NLRC5: variants seen among roughly 807,000 people sequenced by gnomAD.
NLRC5 encodes the protein protein NLRC5.
Under a neutral mutation model 206.9 loss-of-function variants are expected in NLRC5, and 114 were observed. The observed-to-expected ratio is 0.55, with a 90% confidence interval of 0.47 to 0.64. The LOEUF (loss-of-function observed/expected upper bound fraction) is 0.64, where lower values mean the gene tolerates loss of function less well. Among genes scored for constraint, NLRC5 ranks in the 30% least tolerant of loss-of-function variants. NLRC5 has a pLI of 0.00. For missense variants in NLRC5, 2,008 were observed against 2,305.5 expected (o/e 0.87, Z 2.64); for synonymous variants, 952 against 962.8 (o/e 0.99, Z 0.21).
intron 1 of NLRC5, among the ~76,000 whole-genome samples, chr16:57,007,414 T>TC (rs2059034163): frequency 6.6e-6 from 1 of 152,222 alleles, no homozygotes; most frequent in Non-Finnish European, 1.5e-5. Flanking sequence ...AGCTTGAACA[T>TC]CTTTTCATAT....
At chr16:57,059,405 C>T (rs1438754349) in intron 29 of NLRC5, 62 bp from the exon 30 acceptor site, 2 of 1,556,904 alleles carry the variant, frequency 1.3e-6, no homozygotes, top group Admixed American at 1.9e-5. Context: ...TGTGGGTGCC[C>T]TAGGTGCCTA....
intron 39 of NLRC5, among the ~76,000 whole-genome samples, chr16:57,076,207 T>A (rs27902): frequency 6.6e-6 from 1 of 152,020 alleles, no homozygotes; most frequent in Non-Finnish European, 1.5e-5. Context: ...GAACCACTGC[T>A]CCCAGCCCCA....
chr16:57,026,856 A>C lies in NLRC5; in HGVS notation c.1913A>C (p.Gln638Pro), dbSNP rs1361629121. 6.2e-7 allele frequency: 1 copy of C among 1,614,146 alleles called. No homozygotes were observed. Among genetic ancestry groups the C allele is most frequent in the Admixed American group, 1.7e-5 (1 of 60,018 alleles). Residue 638 changes from glutamine to proline, a missense_variant, in exon 6 of 49, where the codon CAA becomes CCA. Gln to Pro is a moderately conservative substitution (Grantham distance 76). Coordinates refer to ENST00000688547, the MANE Select transcript of NLRC5 (RefSeq NM_001384950.1). Reference sequence around the variant, plus strand: ...CTCACCGCACAAAGCCTCCCCTATCAACTGCCCTTCCACAATTTCCCACTG... The same window carrying C: ...CTCACCGCACAAAGCCTCCCCTATCCACTGCCCTTCCACAATTTCCCACTG... ...ASLTAQSLPY[Q>P]LPFHNFPLTC...
chr16:57,067,972 T>C (rs1440820966), intron 36 of NLRC5, 144 bp downstream of exon 36: 1 of 647,500 alleles, frequency 1.5e-6, no homozygotes, highest in Non-Finnish European at 2.7e-6. Context: ...CTGGAGATGA[T>C]TTTTAGGGGT....
intron 5 of NLRC5, among the ~76,000 whole-genome samples, chr16:57,024,531 C>T (rs1020175366): frequency 6.6e-6 from 1 of 152,186 alleles, no homozygotes; most frequent in African/African-American, 2.4e-5. Context: ...TCACCTGAGA[C>T]CTCTCAATGA....
At chr16:57,030,123 G>C in intron 10 of NLRC5, 39 bp downstream of exon 10, 1 of 1,525,996 alleles carries the variant, frequency 6.6e-7, no homozygotes, top group Non-Finnish European at 9.1e-7. Flanking sequence ...TATGGGCCTT[G>C]AGAAAAGAGG....
chr16:57,066,175 G>C (rs1157709075), intron 33 of NLRC5, among the ~76,000 whole-genome samples: 6 of 152,060 alleles, frequency 3.9e-5, no homozygotes, highest in African/African-American at 1.4e-4. Flanking sequence ...GGTGGCTCAC[G>C]CCTGTAACCC....
At chr16:57,001,050 G>T (rs2058180047) in intron 1 of NLRC5, among the ~76,000 whole-genome samples, 1 of 152,198 alleles carries the variant, frequency 6.6e-6, no homozygotes, top group African/African-American at 2.4e-5. Context: ...CCAGGCTCAG[G>T]TGTTATCCGA....
chr16:57,049,092 C>T (rs975871530), intron 23 of NLRC5, among the ~76,000 whole-genome samples: 2 of 151,390 alleles, frequency 1.3e-5, no homozygotes, highest in Non-Finnish European at 2.9e-5. Flanking sequence ...CTAACACTAG[C>T]GATAGCTGAT....
chr16:57,069,667 G>A (rs289710), intron 36 of NLRC5, 169 bp from the exon 37 acceptor site: 338,674 of 625,526 alleles, frequency 0.54, 92,847 homozygotes, highest in Admixed American at 0.62. Flanking sequence ...TCCAAGCTCT[G>A]TGGTGGCTTA....
intron 6 of NLRC5, 46 bp from the exon 7 acceptor site, chr16:57,028,026 T>C (rs769438081): frequency 9.2e-6 from 13 of 1,408,298 alleles, no homozygotes; most frequent in African/African-American, 1.4e-5. Context: ...ACTTCTCAGC[T>C]CTGCCCAGCA....
intron 1 of NLRC5, among the ~76,000 whole-genome samples, chr16:57,001,561 C>A (rs1054590982): frequency 1.3e-5 from 2 of 152,170 alleles, no homozygotes; most frequent in Non-Finnish European, 2.9e-5. Context: ...GACAACCACA[C>A]TAGTGGTAAT....
rs1488549531 is a variant in NLRC5, at chr16:56,993,110, C to T, written c.-128+3493C>T. On this transcript the variant is annotated intron_variant, in intron 1 of 48. Coordinates refer to ENST00000688547, the MANE Select transcript of NLRC5 (RefSeq NM_001384950.1). ...ATGGATATATACATATATATATACA[C>T]GTATATATGTGTATATATATATACA... Among the ~76,000 whole-genome samples, 7 of 142,618 alleles carry T rather than the reference C, an allele frequency of 4.9e-5. No homozygotes were observed. The South Asian group carries it at 1.4e-3, about 28-fold the overall frequency. 93.6% of individuals were successfully genotyped at this position (142,618 alleles called of 152,430 possible).
rs754555217 is a variant in NLRC5 at position 57,059,056 on chromosome 16, A to T, written c.3915A>T (p.Ser1305=). The T allele has an allele frequency of 6.2e-7, 1 of 1,614,006 alleles. No individual in the cohort carries two copies. Among genetic ancestry groups the T allele is most frequent in the South Asian group, 1.1e-5 (1 of 91,074 alleles). The change falls in exon 29 of 49, where the codon TCA becomes TCT. Residue 1305 remains serine (S), a synonymous_variant. Coordinates refer to ENST00000688547, the MANE Select transcript of NLRC5 (RefSeq NM_001384950.1). ...LPSCPRVREA[S]VNLGSEQSFR... ...CCTGCCCACGTGTCCGGGAGGCCTC[A>T]GTGAAGTAAGGGGATGTTGGTCCCC...
chr16:57,050,348 C>T (rs1480046576), intron 23 of NLRC5, among the ~76,000 whole-genome samples: 1 of 152,220 alleles, frequency 6.6e-6, no homozygotes, highest in Non-Finnish European at 1.5e-5. Context: ...CCCGCCCTAC[C>T]CTGCCCCCCA....
intron 30 of NLRC5, among the ~76,000 whole-genome samples, 185 bp from the exon 31 acceptor site, chr16:57,061,263 C>T (rs936670010): frequency 6.6e-6 from 1 of 152,244 alleles, no homozygotes; most frequent in East Asian, 1.9e-4. Context: ...GTGGGAGGTT[C>T]CTCCCCAAAG....
intron 27 of NLRC5, among the ~76,000 whole-genome samples, chr16:57,056,500 G>C (rs1429943507): frequency 6.6e-6 from 1 of 152,098 alleles, no homozygotes; most frequent in Non-Finnish European, 1.5e-5. Flanking sequence ...ATGTTCCCCA[G>C]GTTGGTCTCA....
intron 1 of NLRC5, among the ~76,000 whole-genome samples, chr16:56,998,977 A>G (rs1341302509): frequency 2.6e-5 from 4 of 152,232 alleles, no homozygotes; most frequent in Admixed American, 2.0e-4. Flanking sequence ...TAAACAATAG[A>G]AATTTATTTC....
chr16:57,080,855 G>A, intron 46 of NLRC5: 1 of 512,128 alleles, frequency 2.0e-6, no homozygotes, highest in Non-Finnish European at 3.5e-6. Flanking sequence ...CATGTATGTG[G>A]CAAAAATGGC....
Sources: allele counts gnomAD v4.1 joint callset (sites outside exome capture counted in the v4.1 genomes callset), GRCh38; gene constraint gnomAD v4.1.1; transcripts MANE v1.5; gene names NCBI Gene and HGNC (gene_info 2026-07-23, HGNC 2026-07-21).